The following CEP112 variants were observed in gnomAD, a reference collection of about 807,000 sequenced individuals.
The protein encoded by CEP112 is centrosomal protein of 112 kDa.
Under a neutral mutation model 153.0 loss-of-function variants are expected in CEP112, and 127 were observed. The observed-to-expected ratio is 0.83, with a 90% CI of 0.72 to 0.96. The LOEUF is 0.96. CEP112 is among the 40% of genes least tolerant of loss of function. The pLI is 0.00. For missense variants in CEP112, 1,089 were observed against 1,101.2 expected (o/e 0.99, Z 0.16); for synonymous variants, 358 against 374.4 (o/e 0.96, Z 0.51).
intron 23 of CEP112, among the ~76,000 whole-genome samples, chr17:65,697,193 C>T (rs981880490): frequency 6.6e-6 from 1 of 152,138 alleles, no homozygotes; most frequent in East Asian, 1.9e-4. Context: ...AAAATCTTGA[C>T]GTAAACCTCT....
chr17:65,930,287 G>GA (rs1296549110), intron 18 of CEP112, among the ~76,000 whole-genome samples: 1 of 151,962 alleles, frequency 6.6e-6, no homozygotes, highest in Non-Finnish European at 1.5e-5. Context: ...CAATATATTT[G>GA]AAAAAAACAT....
At chr17:65,997,799 C>G (rs2028619) in intron 17 of CEP112, among the ~76,000 whole-genome samples, 102 of 143,812 alleles carry the variant, frequency 7.1e-4, no homozygotes, top group African/African-American at 2.5e-3. Context: ...ATCCCCCCCC[C>G]CACACACACA....
At chr17:65,857,294 G>T (rs2058155511) in intron 20 of CEP112, among the ~76,000 whole-genome samples, 1 of 152,192 alleles carries the variant, frequency 6.6e-6, no homozygotes, top group Non-Finnish European at 1.5e-5. Flanking sequence ...AGGTGGGTTG[G>T]ACAAGCTTGC....
chr17:65,970,149 T>C (rs1012196260), intron 17 of CEP112, among the ~76,000 whole-genome samples: 4 of 152,184 alleles, frequency 2.6e-5, no homozygotes, highest in Non-Finnish European at 5.9e-5. Context: ...GTATTTTGCA[T>C]GTGTATAGCA....
At chr17:65,935,584 G>T (rs1027602873) in intron 18 of CEP112, among the ~76,000 whole-genome samples, 1 of 151,672 alleles carries the variant, frequency 6.6e-6, no homozygotes, top group African/African-American at 2.4e-5. Flanking sequence ...CAATCACAAT[G>T]GTATGAAATT....
intron 16 of CEP112, among the ~76,000 whole-genome samples, chr17:66,008,647 A>C (rs2064376884): frequency 6.6e-6 from 1 of 152,132 alleles, no homozygotes; most frequent in Non-Finnish European, 1.5e-5. Context: ...ACCAGCCTAA[A>C]CTAAAACTTT....
chr17:66,179,666 C>T (rs531689180), intron 2 of CEP112, among the ~76,000 whole-genome samples: 10 of 152,120 alleles, frequency 6.6e-5, no homozygotes, highest in East Asian at 3.9e-4. Flanking sequence ...TTTCCAATTT[C>T]GATGCCCTTT....
chr17:65,900,480 T>C (rs2059805183), intron 20 of CEP112, among the ~76,000 whole-genome samples: 1 of 152,158 alleles, frequency 6.6e-6, no homozygotes, highest in Non-Finnish European at 1.5e-5. Flanking sequence ...TATGATTGGA[T>C]GAACCGCACC....
intron 21 of CEP112, among the ~76,000 whole-genome samples, chr17:65,839,215 CTA>C (rs1047227906): frequency 6.6e-6 from 1 of 151,758 alleles, no homozygotes; most frequent in Non-Finnish European, 1.5e-5. Flanking sequence ...ACAAAGAAAA[CTA>C]GAAGTTAATA....
intron 4 of CEP112, among the ~76,000 whole-genome samples, chr17:66,145,535 G>C (rs1029362138): frequency 2.0e-5 from 3 of 151,928 alleles, no homozygotes; most frequent in Non-Finnish European, 4.4e-5. Context: ...ACTCATTTCA[G>C]TTTTTCCCCA....
At chr17:65,728,510 G>A (rs989774729) in intron 23 of CEP112, among the ~76,000 whole-genome samples, 1 of 152,152 alleles carries the variant, frequency 6.6e-6, no homozygotes, top group African/African-American at 2.4e-5. Flanking sequence ...AGGGCCTGGA[G>A]CTGTGAGTCA....
In CEP112 at chr17:66,151,781, G is replaced by A. The variant is rs560574842; in HGVS notation, c.471-19018C>T. Reference sequence around the variant, plus strand: ...AACCATATGAGTGAGAATAGAAGTGGATTCTCCCCCAATCTAGACTTCAGC... The same window carrying A: ...AACCATATGAGTGAGAATAGAAGTGAATTCTCCCCCAATCTAGACTTCAGC... On this transcript the variant is annotated intron_variant, in intron 4 of 26. Transcript: ENST00000535342. 3.9e-5 allele frequency among the ~76,000 whole-genome samples: 6 copies of A among 152,206 alleles called. No individual in the cohort carries two copies. The East Asian group carries it at 1.2e-3, about 29-fold the overall frequency.
chr17:65,660,994 G>C (rs912901704), intron 24 of CEP112, among the ~76,000 whole-genome samples: 1 of 152,132 alleles, frequency 6.6e-6, no homozygotes, highest in African/African-American at 2.4e-5. Flanking sequence ...AAACACTTCT[G>C]TGATTTCTTT....
At chr17:66,159,877 AG>A (rs1416385383) in intron 4 of CEP112, among the ~76,000 whole-genome samples, 3 of 152,188 alleles carry the variant, frequency 2.0e-5, no homozygotes, top group Non-Finnish European at 4.4e-5. Flanking sequence ...AAAGAAATAA[AG>A]GGTATTCAAA....
chr17:65,749,507 C>CA (rs927821909), intron 22 of CEP112, among the ~76,000 whole-genome samples: 45 of 149,068 alleles, frequency 3.0e-4, no homozygotes, highest in African/African-American at 8.9e-4. Flanking sequence ...GGCTCTGTCT[C>CA]AAAAAAAAAT....
chr17:65,869,575 CT>C lies in CEP112; in HGVS notation c.2164-17542del, dbSNP rs1221775589. Among the ~76,000 whole-genome samples the C allele has an allele frequency of 3.9e-3, 421 of 109,184 alleles. 5 individuals carry two copies. Among genetic ancestry groups the C allele is most frequent in the African/African-American group, 0.015 (411 of 28,110 alleles). The allele number at this position is 109,184 out of a possible 152,430, so 71.6% of individuals were successfully genotyped here. A position where few individuals can be genotyped will look rare whatever the true frequency, so the allele number is the denominator to read the frequency against. On this transcript the variant is annotated intron_variant, in intron 20 of 26. Transcript: ENST00000535342. ...TAACATATAGGAAAGGCAAGATAAA[CT>C]TTCTTTTTTTTTTTTTTTTTTCAGA...
intron 4 of CEP112, among the ~76,000 whole-genome samples, chr17:66,159,730 T>C (rs230569): frequency 0.32 from 49,068 of 151,902 alleles, 9,564 homozygotes; most frequent in East Asian, 0.83. Flanking sequence ...TTATGATAAA[T>C]ACATAGCTAA....
intron 17 of CEP112, among the ~76,000 whole-genome samples, chr17:65,999,452 C>T (rs548698961): frequency 3.2e-4 from 49 of 152,204 alleles, no homozygotes; most frequent in Middle Eastern, 3.4e-3. Flanking sequence ...TTGCCCACCT[C>T]GGCCTCCCAA....
At chr17:65,982,190 T>C (rs1302825069) in intron 17 of CEP112, among the ~76,000 whole-genome samples, 1 of 152,222 alleles carries the variant, frequency 6.6e-6, no homozygotes, top group East Asian at 1.9e-4. Flanking sequence ...ACCTCAAGCA[T>C]TTATCCTTTG....
Sources: gnomAD v4.1 joint callset for allele counts (sites outside exome capture counted in the v4.1 genomes callset) on GRCh38, gnomAD v4.1.1 for gene constraint, MANE v1.5 for transcripts, NCBI Gene and HGNC (gene_info 2026-07-23, HGNC 2026-07-21) for gene names.